Variants in NGEF observed in about 807,000 individuals in gnomAD.
NGEF encodes the protein neuronal guanine nucleotide exchange factor, also known as ephexin-1.
A neutral mutation model predicts 80.9 loss-of-function variants in NGEF; 31 were observed. The ratio of observed to expected loss-of-function variants is 0.38; its 90% CI spans 0.29 to 0.52. NGEF has a LOEUF of 0.52. Ranked by LOEUF, NGEF falls within the 20% of genes least tolerant of loss-of-function variation. The pLI is 0.84. For missense variants in NGEF, 709 were observed against 926.2 expected (o/e 0.77, Z 3.04); for synonymous variants, 371 against 370.2 (o/e 1.00, Z -0.03).
At chr2:232,944,061 C>T (rs979381565) in intron 3 of NGEF, among the ~76,000 whole-genome samples, 1 of 151,634 alleles carries the variant, frequency 6.6e-6, no homozygotes, top group East Asian at 2.0e-4. Flanking sequence ...GGTGAAACCC[C>T]GTCTCTACTA....
At chr2:232,973,943 A>G (rs1694242955) in intron 2 of NGEF, among the ~76,000 whole-genome samples, 1 of 152,168 alleles carries the variant, frequency 6.6e-6, no homozygotes, top group African/African-American at 2.4e-5. Flanking sequence ...TCAGGGTAGC[A>G]TATATAGTCT....
intron 3 of NGEF, among the ~76,000 whole-genome samples, chr2:232,956,710 G>A (rs1253080994): frequency 6.0e-5 from 9 of 149,944 alleles, no homozygotes; most frequent in Admixed American, 6.0e-4. Context: ...AGGAGGTGGA[G>A]GTTGCAGTGA....
intron 5 of NGEF, among the ~76,000 whole-genome samples, chr2:232,905,395 A>C (rs574098223): frequency 1.1e-4 from 17 of 152,122 alleles, no homozygotes; most frequent in Admixed American, 2.0e-4. Flanking sequence ...GAGTCTCGTT[A>C]ACTCAGTGCT....
intron 12 of NGEF, 57 bp from the exon 13 acceptor site, chr2:232,882,322 T>G (rs1691530368): frequency 2.3e-5 from 34 of 1,492,326 alleles, no homozygotes; most frequent in Non-Finnish European, 3.2e-5. Context: ...CCCCCCAACG[T>G]GTGGCACGAG....
intron 5 of NGEF, among the ~76,000 whole-genome samples, chr2:232,917,741 G>A (rs1280130193): frequency 6.6e-6 from 1 of 151,788 alleles, no homozygotes; most frequent in African/African-American, 2.4e-5. Context: ...TAATATAATG[G>A]GTTTAGATTT....
intron 1 of NGEF, among the ~76,000 whole-genome samples, chr2:232,991,287 A>G (rs570187072): frequency 1.3e-5 from 2 of 152,184 alleles, no homozygotes; most frequent in Non-Finnish European, 2.9e-5. Flanking sequence ...ACATAAAATG[A>G]TCTCTATTTG....
chr2:232,902,479 G>C (rs899424388), intron 5 of NGEF, among the ~76,000 whole-genome samples: 1 of 152,150 alleles, frequency 6.6e-6, no homozygotes, highest in African/African-American at 2.4e-5. Flanking sequence ...GGGACGAGGG[G>C]AGTCACATAT....
chr2:232,891,214 CT>C (rs1691872847), intron 8 of NGEF, 143 bp downstream of exon 8: 1 of 1,122,974 alleles, frequency 8.9e-7, no homozygotes. Context: ...TGCATCCTCA[CT>C]GCCCAGGAAC....
chr2:232,942,712 T>G (rs1202804895), intron 3 of NGEF, among the ~76,000 whole-genome samples: 1 of 149,644 alleles, frequency 6.7e-6, no homozygotes, highest in Admixed American at 6.7e-5. Context: ...CCGTCTCTAC[T>G]GAAAATACAA....
chr2:232,981,872 G>T (rs1694436413), intron 1 of NGEF, among the ~76,000 whole-genome samples: 1 of 152,224 alleles, frequency 6.6e-6, no homozygotes. Flanking sequence ...AACCCACTGG[G>T]TGTTTATACA....
At chr2:232,885,935 C>T (rs1691665471) in intron 9 of NGEF, among the ~76,000 whole-genome samples, 1 of 152,244 alleles carries the variant, frequency 6.6e-6, no homozygotes, top group Non-Finnish European at 1.5e-5. Flanking sequence ...CCAGCCTCAA[C>T]AGCCATCAGT....
chr2:232,945,724 AC>A (rs1693543547), intron 3 of NGEF, among the ~76,000 whole-genome samples: 2 of 152,120 alleles, frequency 1.3e-5, no homozygotes, highest in African/African-American at 2.4e-5. Context: ...TTTAAAAGCC[AC>A]CCAGTTTGTG....
intron 1 of NGEF, among the ~76,000 whole-genome samples, chr2:232,978,161 T>C (rs55729338): frequency 5.8e-5 from 5 of 86,582 alleles, no homozygotes; most frequent in Non-Finnish European, 1.2e-4. Flanking sequence ...ACATGAACTT[T>C]TTTTTTTTTT....
In NGEF at chr2:233,002,892, TG is replaced by T. The variant is rs577547562; in HGVS notation, c.-75+10175del. On this transcript the variant is annotated intron_variant, in intron 1 of 14. Coordinates refer to ENST00000264051, the MANE Select transcript of NGEF (RefSeq NM_019850.3). ...TGGGTTTACCTGGAGGCCTGGAGGG[TG>T]GGGCCCAGGCGTCACTGTGACAAGC... Among the ~76,000 whole-genome samples, 308 of 152,070 alleles carry T rather than the reference TG, an allele frequency of 2.0e-3. 1 individual carries two copies. The highest frequency in any genetic ancestry group is 3.6e-3 in the Non-Finnish European group (242 of 67,964).
At chr2:232,956,180 G>C (rs569512550) in intron 3 of NGEF, among the ~76,000 whole-genome samples, 2 of 152,076 alleles carry the variant, frequency 1.3e-5, no homozygotes, top group Admixed American at 6.6e-5. Context: ...GCTATAAAGA[G>C]GATCCAGGGC....
intron 1 of NGEF, among the ~76,000 whole-genome samples, chr2:232,977,641 G>A (rs1345919230): frequency 1.3e-5 from 2 of 152,188 alleles, no homozygotes; most frequent in Non-Finnish European, 2.9e-5. Context: ...TGGGAGTGGG[G>A]GTGGATGATG....
intron 3 of NGEF, among the ~76,000 whole-genome samples, chr2:232,932,448 A>C (rs1419151484): frequency 6.6e-6 from 1 of 152,140 alleles, no homozygotes; most frequent in Non-Finnish European, 1.5e-5. Context: ...TACAGGCACG[A>C]GTCACCAGGC....
intron 2 of NGEF, among the ~76,000 whole-genome samples, chr2:232,971,500 C>A (rs554488648): frequency 3.9e-5 from 6 of 152,270 alleles, no homozygotes; most frequent in Middle Eastern, 3.4e-3. Flanking sequence ...GCCTGGCCAA[C>A]ATGGTGAAAC....
intron 3 of NGEF, among the ~76,000 whole-genome samples, chr2:232,930,102 T>A (rs1693188162): frequency 6.6e-6 from 1 of 152,164 alleles, no homozygotes; most frequent in African/African-American, 2.4e-5. Context: ...CAGGTATGTC[T>A]TTATCAGCCG....
Sources: gnomAD v4.1 joint callset for allele counts (sites outside exome capture counted in the v4.1 genomes callset) on GRCh38, gnomAD v4.1.1 for gene constraint, MANE v1.5 for transcripts, NCBI Gene and HGNC (gene_info 2026-07-23, HGNC 2026-07-21) for gene names.